The following C8orf34 variants were observed in gnomAD, a reference collection of about 807,000 sequenced individuals.
C8orf34 encodes uncharacterized protein C8orf34.
C8orf34 carries 65 observed loss-of-function variants against 68.3 expected under a neutral mutation model. The observed-to-expected ratio is 0.95, with a 90% CI of 0.78 to 1.17. The LOEUF (loss-of-function observed/expected upper bound fraction) is 1.17. Among genes scored for constraint, C8orf34 ranks in the 50% most tolerant of loss-of-function variants. The pLI is 0.00. For missense variants in C8orf34, 664 were observed against 655.4 expected (o/e 1.01, Z -0.14); for synonymous variants, 244 against 241.2 (o/e 1.01, Z -0.11).
chr8:68,432,185 A>T (rs1810478620), intron 1 of C8orf34, among the ~76,000 whole-genome samples: 1 of 151,824 alleles, frequency 6.6e-6, no homozygotes, highest in South Asian at 2.1e-4. Context: ...GCACCGTTGT[A>T]AAAGTGCATA....
chr8:68,656,383 C>T (rs935941230), intron 8 of C8orf34, among the ~76,000 whole-genome samples: 1 of 152,106 alleles, frequency 6.6e-6, no homozygotes, highest in Non-Finnish European at 1.5e-5. Flanking sequence ...ATTTTCACAT[C>T]AACTGTATGT....
chr8:68,442,918 G>A (rs930775092), intron 2 of C8orf34, among the ~76,000 whole-genome samples: 1 of 152,140 alleles, frequency 6.6e-6, no homozygotes, highest in African/African-American at 2.4e-5. Flanking sequence ...TTAATCAGAG[G>A]CAAAAAGATG....
At chr8:68,536,857 T>C (rs2129881769) in intron 7 of C8orf34, among the ~76,000 whole-genome samples, 1 of 152,266 alleles carries the variant, frequency 6.6e-6, no homozygotes, top group South Asian at 2.1e-4. Context: ...GACAAGGTGA[T>C]TGCAAGTACA....
At chr8:68,809,529 C>T (rs1238580769) in intron 12 of C8orf34, among the ~76,000 whole-genome samples, 2 of 152,166 alleles carry the variant, frequency 1.3e-5, no homozygotes, top group African/African-American at 4.8e-5. Flanking sequence ...GTGGTCCCAG[C>T]TACTGAGAGG....
rs185947697 is a variant in C8orf34 at position 68,586,014 on chromosome 8, T to A, written c.1105+52865T>A. ...ACCAAGATGGGGACCTTTGGGACCATCTTGGAGGCTGGTTACCACCTATTA... is the reference window on the plus strand; with the variant it reads ...ACCAAGATGGGGACCTTTGGGACCAACTTGGAGGCTGGTTACCACCTATTA... On this transcript the variant is annotated intron_variant, in intron 7 of 13. Coordinates refer to ENST00000518698, the MANE Select transcript of C8orf34 (RefSeq NM_052958.4). 4.1e-3 allele frequency among the ~76,000 whole-genome samples: 622 copies of A among 152,188 alleles called. 5 individuals carry two copies. The highest frequency in any genetic ancestry group is 0.014 in the African/African-American group (593 of 41,528).
At chr8:68,410,174 C>A (rs1809384373) in intron 1 of C8orf34, among the ~76,000 whole-genome samples, 1 of 152,168 alleles carries the variant, frequency 6.6e-6, no homozygotes, top group African/African-American at 2.4e-5. Context: ...TTTCTCTCTA[C>A]TTGAATAGAT....
chr8:68,790,859 A>AT, intron 12 of C8orf34: 1 of 701,922 alleles, frequency 1.4e-6, no homozygotes, highest in Non-Finnish European at 2.6e-6. Flanking sequence ...TGAATTCTGC[A>AT]TTTTTCATAC....
At chr8:68,612,727 A>G (rs1313260312) in intron 7 of C8orf34, among the ~76,000 whole-genome samples, 1 of 152,116 alleles carries the variant, frequency 6.6e-6, no homozygotes, top group Non-Finnish European at 1.5e-5. Flanking sequence ...GAAAACATGG[A>G]CATATAGATC....
rs571259997 is a variant in C8orf34 at position 68,749,783 on chromosome 8, G to A, written c.1405-26616G>A. ...TGCAGCCATGTTGCAGTATGACCAT[G>A]TTACATAGGAAAAAGTAGTTTATTG... On this transcript the variant is annotated intron_variant, in intron 10 of 13. Transcript: ENST00000518698. Among the ~76,000 whole-genome samples, 3 of 152,210 alleles carry A rather than the reference G, an allele frequency of 2.0e-5. No individual in the cohort carries two copies. In the South Asian group the frequency reaches 6.2e-4, roughly 32 times the overall value.
intron 7 of C8orf34, among the ~76,000 whole-genome samples, chr8:68,618,472 C>T (rs1160030299): frequency 1.3e-5 from 2 of 152,046 alleles, no homozygotes; most frequent in African/African-American, 4.8e-5. Flanking sequence ...ACCTCAGCTT[C>T]CCAAGTAGCT....
intron 3 of C8orf34, among the ~76,000 whole-genome samples, chr8:68,460,263 T>C (rs1811745301): frequency 6.6e-6 from 1 of 152,180 alleles, no homozygotes; most frequent in South Asian, 2.1e-4. Flanking sequence ...TGCCCAGGCT[T>C]GCTTAGGTAA....
chr8:68,520,613 G>C (rs1814710119), intron 5 of C8orf34, among the ~76,000 whole-genome samples: 1 of 140,402 alleles, frequency 7.1e-6, no homozygotes, highest in African/African-American at 2.9e-5. Context: ...ATCACGCCCG[G>C]CTAATTTTTT....
At chr8:68,743,358 G>A (rs1822360645) in intron 10 of C8orf34, among the ~76,000 whole-genome samples, 2 of 152,186 alleles carry the variant, frequency 1.3e-5, no homozygotes, top group African/African-American at 4.8e-5. Context: ...TTACAAGGGA[G>A]GAGCCAAGAT....
In C8orf34 at chr8:68,469,503, G is replaced by T. The variant is rs58932501; in HGVS notation, c.736+683G>T. On this transcript the variant is annotated intron_variant, in intron 4 of 13. Coordinates refer to ENST00000518698, the MANE Select transcript of C8orf34 (RefSeq NM_052958.4). The stretch of plus-strand genomic sequence containing the variant: ...TAAAACCTTTTAAATAACTGCTATT[G>T]TTGTAAGAGTAGGCAATAAAATGAT... Among the ~76,000 whole-genome samples the T allele has an allele frequency of 9.7e-3, 1,471 of 152,048 alleles. 25 individuals are homozygous for T. Among genetic ancestry groups the T allele is most frequent in the African/African-American group, 0.032 (1,342 of 41,502 alleles).
At chr8:68,331,524 G>A (rs1444841144) in intron 1 of C8orf34, 185 bp downstream of exon 1, 2 of 694,352 alleles carry the variant, frequency 2.9e-6, no homozygotes, top group Non-Finnish European at 5.0e-6. Context: ...GAACGCGGCC[G>A]GGCGGGCACT....
chr8:68,453,959 A>G (rs898020061), intron 3 of C8orf34, among the ~76,000 whole-genome samples: 1 of 151,788 alleles, frequency 6.6e-6, no homozygotes, highest in Non-Finnish European at 1.5e-5. Flanking sequence ...TTCTATTCCT[A>G]GTTTGTTGGA....
chr8:68,600,889 A>T (rs763566227), intron 7 of C8orf34, among the ~76,000 whole-genome samples: 9 of 152,122 alleles, frequency 5.9e-5, no homozygotes, highest in Non-Finnish European at 8.8e-5. Context: ...GTTTGTACCC[A>T]TTCACCAACC....
chr8:68,765,091 A>C (rs1174767840), intron 10 of C8orf34, among the ~76,000 whole-genome samples: 2 of 152,174 alleles, frequency 1.3e-5, no homozygotes, highest in African/African-American at 4.8e-5. Flanking sequence ...ACTAAACACT[A>C]GTACTAACGT....
At chr8:68,754,447 T>A (rs552385511) in intron 10 of C8orf34, among the ~76,000 whole-genome samples, 1 of 152,280 alleles carries the variant, frequency 6.6e-6, no homozygotes, top group South Asian at 2.1e-4. Context: ...GTAAACAGGG[T>A]TTTTAAGAAT....
Sources: gnomAD v4.1 joint callset for allele counts (sites outside exome capture counted in the v4.1 genomes callset) on GRCh38, gnomAD v4.1.1 for gene constraint, MANE v1.5 for transcripts, NCBI Gene and HGNC (gene_info 2026-07-23, HGNC 2026-07-21) for gene names.